The following ROCK2 variants were observed in gnomAD, a reference collection of about 807,000 sequenced individuals.
The protein encoded by ROCK2 is Rho associated coiled-coil containing protein kinase 2, also known as rho-associated protein kinase 2.
A neutral mutation model predicts 195.1 loss-of-function variants in ROCK2; 61 were observed. The observed-to-expected ratio is 0.31, with a 90% CI of 0.25 to 0.39. The LOEUF (loss-of-function observed/expected upper bound fraction) is 0.39. Ranked by LOEUF, ROCK2 falls within the 10% of genes least tolerant of loss-of-function variation. The pLI, the probability that ROCK2 is intolerant of heterozygous loss-of-function variation, is 1.00. For missense variants in ROCK2, 1,109 were observed against 1,637.4 expected, an observed-to-expected ratio of 0.68 and a Z score of 5.57; for synonymous variants, 504 against 545.5, an observed-to-expected ratio of 0.92 and a Z score of 1.06.
intron 3 of ROCK2, among the ~76,000 whole-genome samples, chr2:11,275,031 C>T (rs987674112): frequency 3.9e-5 from 6 of 152,104 alleles, no homozygotes; most frequent in African/African-American, 1.4e-4. Context: ...CCAAGGCGGG[C>T]AGATCCCCTG....
intron 1 of ROCK2, among the ~76,000 whole-genome samples, chr2:11,338,851 GTA>G (rs954944359): frequency 2.8e-4 from 42 of 151,236 alleles, no homozygotes; most frequent in Middle Eastern, 3.4e-3. Context: ...ACACAGAAAA[GTA>G]TATACTATAT....
intron 6 of ROCK2, among the ~76,000 whole-genome samples, chr2:11,224,776 A>G (rs774770534): frequency 7.9e-5 from 12 of 152,072 alleles, no homozygotes; most frequent in Non-Finnish European, 1.5e-4. Context: ...TCCAAGAGAA[A>G]GAGTTCCTAT....
Position 11,235,889 on chromosome 2 carries a change from T to A in ROCK2, c.536A>T (p.Asn179Ile), listed in dbSNP as rs1390131866. ...AGGCACATCATAATTACTCATAAGGTTTACAAGGTCTCCACCAGGCATGTA... is the reference window on the plus strand; with the variant it reads ...AGGCACATCATAATTACTCATAAGGATTACAAGGTCTCCACCAGGCATGTA... ...MEYMPGGDLV[N>I]LMSNYDVPEK... is the part of the protein sequence containing the mutation. Residue 179 changes from asparagine (N) to isoleucine (I), a missense_variant, in exon 5 of 33, where the codon AAC becomes ATC. By Grantham distance (149) the Asn-to-Ile change is moderately radical. Coordinates refer to ENST00000315872, the MANE Select transcript of ROCK2 (RefSeq NM_004850.5). The surrounding 1 kb of genome is among the most constrained non-coding windows in gnomAD (Gnocchi z 4.2). 6.2e-7 allele frequency: 1 copy of A among 1,613,610 alleles called. No individual in the cohort carries two copies. Among genetic ancestry groups the A allele is most frequent in the Non-Finnish European group, 8.5e-7 (1 of 1,179,862 alleles).
Position 11,192,716 on chromosome 2 carries a change from T to C in ROCK2, c.3688-4A>G, listed in dbSNP as rs753971222. 11 of 1,606,810 alleles carry C rather than the reference T, an allele frequency of 6.8e-6. No individual in the cohort carries two copies. The highest frequency in any genetic ancestry group is 5.5e-5 in the South Asian group (5 of 90,630). On this transcript the variant is annotated splice_region_variant and splice_polypyrimidine_tract_variant and intron_variant, in intron 30 of 32. Transcript: ENST00000315872. This position sits in a 1 kb window ranked among gnomAD's most constrained non-coding sequence, Gnocchi z 5.0. Reference sequence around the variant, plus strand: ...CTCCTTCATTGGCATACAGAATCTATGAATGCCAAAAGAACAATAAGTGAT... The same window carrying C: ...CTCCTTCATTGGCATACAGAATCTACGAATGCCAAAAGAACAATAAGTGAT...
intron 4 of ROCK2, among the ~76,000 whole-genome samples, chr2:11,241,142 G>A (rs906501846): frequency 6.6e-6 from 1 of 152,046 alleles, no homozygotes; most frequent in East Asian, 1.9e-4. Context: ...GTAATCAAAA[G>A]GAATGAAATA....
chr2:11,183,598 T>C (rs1165074613), intron 32 of ROCK2, among the ~76,000 whole-genome samples, 158 bp from the exon 33 acceptor site: 2 of 152,202 alleles, frequency 1.3e-5, no homozygotes, highest in Non-Finnish European at 2.9e-5. Flanking sequence ...ACTTACTGTA[T>C]TACTTTTCCT....
At chr2:11,271,346 C>A (rs941438159) in intron 3 of ROCK2, among the ~76,000 whole-genome samples, 2 of 152,142 alleles carry the variant, frequency 1.3e-5, no homozygotes, top group Non-Finnish European at 2.9e-5. Context: ...GGGTCCCCTG[C>A]AAGTTTTTAA....
At chr2:11,200,543 A>C (rs1663813831) in intron 23 of ROCK2, among the ~76,000 whole-genome samples, 1 of 152,160 alleles carries the variant, frequency 6.6e-6, no homozygotes, top group Non-Finnish European at 1.5e-5. Flanking sequence ...TCCCTGTTCT[A>C]ATACCAGACT....
intron 20 of ROCK2, 134 bp from the exon 21 acceptor site, chr2:11,202,255 C>A: frequency 2.7e-6 from 2 of 744,872 alleles, no homozygotes; most frequent in Admixed American, 1.9e-5. Context: ...AAATCATTTT[C>A]ATAATACTGA....
At position 11,182,167 on chromosome 2, in the gene ROCK2, G is replaced by A. The variant is rs1663029828; in HGVS notation, c.*1270C>T. ...TTAAAAAATAAAAATCAAATTAAGT[G>A]CCTTTGAGGCCACTTCTTCCCAGTT... On this transcript the variant is annotated 3_prime_UTR_variant, in exon 33 of 33. Coordinates refer to ENST00000315872, the MANE Select transcript of ROCK2 (RefSeq NM_004850.5). 6.6e-6 allele frequency: 1 copy of A among 152,136 alleles called. No individual in the cohort carries two copies. The allele number at this position is 152,136 out of a possible 1,614,324, so 9.4% of individuals were successfully genotyped here. A position where few individuals can be genotyped will look rare whatever the true frequency, so the allele number is the denominator to read the frequency against.
intron 25 of ROCK2, 109 bp downstream of exon 25, chr2:11,198,382 T>C (rs1435733370): frequency 4.2e-6 from 3 of 722,062 alleles, no homozygotes; most frequent in Non-Finnish European, 6.9e-6. Flanking sequence ...TTCACAAATA[T>C]TGGTACATTC....
chr2:11,185,195 AAGGG>A (rs1663147103), intron 32 of ROCK2, among the ~76,000 whole-genome samples: 1 of 152,204 alleles, frequency 6.6e-6, no homozygotes, highest in African/African-American at 2.4e-5. Flanking sequence ...ATGGGGTAAA[AAGGG>A]AGTAATAGAA....
At chr2:11,292,256 A>G (rs1221108721) in intron 1 of ROCK2, among the ~76,000 whole-genome samples, 1 of 152,204 alleles carries the variant, frequency 6.6e-6, no homozygotes, top group Admixed American at 6.5e-5. Flanking sequence ...CAAAAACTTT[A>G]ACTACATTAT....
At position 11,182,234 on chromosome 2, in the gene ROCK2, G is replaced by A. The variant is rs1663033239; in HGVS notation, c.*1203C>T. On this transcript the variant is annotated 3_prime_UTR_variant, in exon 33 of 33. Coordinates refer to ENST00000315872, the MANE Select transcript of ROCK2 (RefSeq NM_004850.5). ...CGGTACTAAAATACTGCCACACACA[G>A]CTGCATGTCTGAGGATCATATTTAA... 6.6e-6 allele frequency: 1 copy of A among 152,156 alleles called. No homozygotes were observed. Among genetic ancestry groups the A allele is most frequent in the Non-Finnish European group, 1.5e-5 (1 of 68,038 alleles). 9.4% of individuals were successfully genotyped at this position (152,156 alleles called of 1,614,324 possible). A position where few individuals can be genotyped will look rare whatever the true frequency, so the allele number is the denominator to read the frequency against.
At chr2:11,315,738 C>T (rs185181166) in intron 1 of ROCK2, among the ~76,000 whole-genome samples, 1 of 152,040 alleles carries the variant, frequency 6.6e-6, no homozygotes, top group Non-Finnish European at 1.5e-5. Context: ...GCAAGCTTCA[C>T]AGGGATTAAA....
At chr2:11,304,736 C>G (rs927937799) in intron 1 of ROCK2, among the ~76,000 whole-genome samples, 9 of 152,196 alleles carry the variant, frequency 5.9e-5, no homozygotes, top group Admixed American at 5.9e-4. Flanking sequence ...CCATTACTTT[C>G]TGTCTCACTC....
At chr2:11,318,370 T>C (rs1668291824) in intron 1 of ROCK2, among the ~76,000 whole-genome samples, 2 of 152,240 alleles carry the variant, frequency 1.3e-5, no homozygotes, top group African/African-American at 4.8e-5. Flanking sequence ...CCAGTGATGA[T>C]GAGCATTTTT....
intron 1 of ROCK2, among the ~76,000 whole-genome samples, chr2:11,318,228 A>G (rs1435499411): frequency 2.0e-5 from 3 of 152,222 alleles, no homozygotes; most frequent in Admixed American, 2.0e-4. Context: ...CAGTCCCACC[A>G]ACAGTGTAAA....
At chr2:11,221,107 T>C in intron 9 of ROCK2, 91 bp downstream of exon 9, 1 of 921,014 alleles carries the variant, frequency 1.1e-6, no homozygotes, top group Non-Finnish European at 1.5e-6. Flanking sequence ...AAATTAATAC[T>C]TTATCTCCTA....
Sources: allele counts gnomAD v4.1 joint callset (sites outside exome capture counted in the v4.1 genomes callset), GRCh38; gene constraint gnomAD v4.1.1; non-coding constraint Gnocchi (gnomAD v3.1); transcripts MANE v1.5; gene names NCBI Gene and HGNC (gene_info 2026-07-23, HGNC 2026-07-21).